Variants in TK2 observed in about 807,000 individuals in gnomAD.
TK2 encodes the protein thymidine kinase 2.
A neutral mutation model predicts 41.9 loss-of-function variants in TK2; 35 were observed. That is an observed-to-expected ratio of 0.84 (90% CI 0.64 to 1.11). The LOEUF (loss-of-function observed/expected upper bound fraction) is 1.11. Among genes scored for constraint, TK2 ranks in the 50% least tolerant of loss-of-function variants. The pLI, the probability that TK2 is intolerant of heterozygous loss-of-function variation, is 0.00. For missense variants in TK2, 320 were observed against 351.1 expected (o/e 0.91, Z 0.71); for synonymous variants, 128 against 129.1 (o/e 0.99, Z 0.06).
intron 4 of TK2, among the ~76,000 whole-genome samples, chr16:66,532,598 C>T (rs192063920): frequency 6.7e-6 from 1 of 150,346 alleles, no homozygotes; most frequent in Admixed American, 6.6e-5. Context: ...GAGTGAGACC[C>T]TGTCTCGAAA....
Position 66,517,698 on chromosome 16 carries a change from C to T in TK2, c.538+91G>A, listed in dbSNP as rs1455917569. ...AACTGCCAAGGGCAAGTGCCTCACC[C>T]ACTGCCCCCAAGGGTTGGGGCCCAG... On this transcript the variant is annotated intron_variant, in intron 7 of 9. Coordinates refer to ENST00000544898, the MANE Select transcript of TK2 (RefSeq NM_004614.5). This position sits in a 1 kb window ranked among gnomAD's most constrained non-coding sequence, Gnocchi z 4.3. The T allele has an allele frequency of 1.6e-6, 2 of 1,218,664 alleles. No individual in the cohort carries two copies. Among genetic ancestry groups the T allele is most frequent in the East Asian group, 4.6e-5 (2 of 43,028 alleles). 75.5% of individuals were successfully genotyped at this position (1,218,664 alleles called of 1,614,324 possible).
At chr16:66,518,313 G>C (rs1964676823) in intron 6 of TK2, among the ~76,000 whole-genome samples, 1 of 152,134 alleles carries the variant, frequency 6.6e-6, no homozygotes, top group Non-Finnish European at 1.5e-5. Context: ...GATCACTTGA[G>C]GCCAGAAGTT....
Position 66,510,047 on chromosome 16 carries a change from G to A in TK2, c.*1921C>T, listed in dbSNP as rs377165067. 1.3e-5 allele frequency: 2 copies of A among 152,102 alleles called. No individual in the cohort carries two copies. The highest frequency in any genetic ancestry group is 4.8e-5 in the African/African-American group (2 of 41,410). 9.4% of individuals were successfully genotyped at this position (152,102 alleles called of 1,614,324 possible). On this transcript the variant is annotated 3_prime_UTR_variant, in exon 10 of 10. Coordinates refer to ENST00000544898, the MANE Select transcript of TK2 (RefSeq NM_004614.5). ...CACGGAGTTTGAAAAATAAAAACAC[G>A]TTAATCTACTGGCAAAAGCAGCTGG...
intron 8 of TK2, among the ~76,000 whole-genome samples, chr16:66,515,079 T>C (rs1964571675): frequency 6.6e-6 from 1 of 152,006 alleles, no homozygotes; most frequent in East Asian, 1.9e-4. Flanking sequence ...TTTGTTCACA[T>C]GTTTATCTGC....
chr16:66,537,039 GA>G lies in TK2; in HGVS notation c.232-23del, dbSNP rs774562311. On this transcript the variant is annotated intron_variant, in intron 3 of 9. Transcript: ENST00000544898. ...ACACCTGGAAGGAAAGAAAACATCA[GA>G]GCTACTGTTTCTCTGTGCTGAACCC... is the stretch of plus-strand genomic sequence containing the variant. 20 of 1,613,902 alleles carry G rather than the reference GA, an allele frequency of 1.2e-5. No individual in the cohort carries two copies. In the African/African-American group the frequency reaches 2.5e-4, roughly 20 times the overall value.
intron 4 of TK2, among the ~76,000 whole-genome samples, chr16:66,535,033 T>C (rs529823805): frequency 6.6e-6 from 1 of 152,246 alleles, no homozygotes; most frequent in East Asian, 1.9e-4. Context: ...CTAATGAAAC[T>C]CCAGTGTTCT....
chr16:66,513,623 T>A, intron 9 of TK2, 108 bp downstream of exon 9: 1 of 1,009,750 alleles, frequency 9.9e-7, no homozygotes. Context: ...TTCTAAGTTG[T>A]CAAACTCTAA....
chr16:66,520,402 G>A (rs13339200), intron 6 of TK2, among the ~76,000 whole-genome samples: 8,950 of 152,208 alleles, frequency 0.059, 860 homozygotes, highest in African/African-American at 0.2. Context: ...TTTAGGGTAG[G>A]CACAATCGGT....
Position 66,514,537 on chromosome 16 carries a change from C to A in TK2, c.619-726G>T, listed in dbSNP as rs982944412. 1.3e-5 allele frequency among the ~76,000 whole-genome samples: 2 copies of A among 152,208 alleles called. No homozygotes were observed. Among genetic ancestry groups the A allele is most frequent in the Non-Finnish European group, 2.9e-5 (2 of 68,048 alleles). The stretch of plus-strand genomic sequence containing the variant: ...CGAGATTGCAGCCTCTGCCCGGCTG[C>A]CACCCCGTCTAGGAAGTGAGGAGTG... On this transcript the variant is annotated intron_variant, in intron 8 of 9. Coordinates refer to ENST00000544898, the MANE Select transcript of TK2 (RefSeq NM_004614.5). This position sits in a 1 kb window ranked among gnomAD's most constrained non-coding sequence, Gnocchi z 4.2.
chr16:66,526,243 G>A (rs1964927268), intron 6 of TK2, among the ~76,000 whole-genome samples: 2 of 152,204 alleles, frequency 1.3e-5, no homozygotes, highest in Admixed American at 6.5e-5. Flanking sequence ...CCTAAGACAC[G>A]AAGGAGGTGG....
Position 66,511,897 on chromosome 16 carries a change from C to A in TK2, c.*71G>T. The A allele has an allele frequency of 7.0e-7, 1 of 1,434,404 alleles. No individual in the cohort carries two copies. Among genetic ancestry groups the A allele is most frequent in the Non-Finnish European group, 9.8e-7 (1 of 1,018,274 alleles). 88.9% of individuals were successfully genotyped at this position (1,434,404 alleles called of 1,614,324 possible). On this transcript the variant is annotated 3_prime_UTR_variant, in exon 10 of 10. Transcript: ENST00000544898. ...AAGCCCTCCTGGGAGCAAGTTTTTC[C>A]AGATTGCTCCCAATAGCTAACTTGG...
Position 66,514,081 on chromosome 16 carries a change from G to A in TK2, c.619-270C>T, listed in dbSNP as rs1964532847. Among the ~76,000 whole-genome samples, 1 of 152,116 alleles carries A rather than the reference G, an allele frequency of 6.6e-6. No homozygotes were observed. ...GGCACAAACACTGGCCCTTCCCCTGGCGCCTGAATCAAAGCCAAGGCAAAA... is the reference window on the plus strand; with the variant it reads ...GGCACAAACACTGGCCCTTCCCCTGACGCCTGAATCAAAGCCAAGGCAAAA... On this transcript the variant is annotated intron_variant, in intron 8 of 9. Transcript: ENST00000544898. The surrounding 1 kb of genome is among the most constrained non-coding windows in gnomAD (Gnocchi z 4.2).
intron 6 of TK2, among the ~76,000 whole-genome samples, chr16:66,524,335 TTTTTTA>T (rs1187910569): frequency 1.3e-5 from 2 of 151,994 alleles, no homozygotes; most frequent in African/African-American, 4.8e-5. Context: ...GCTACCAGCT[TTTTTTA>T]TTTTTATTTT....
At chr16:66,524,580 C>G (rs1391380033) in intron 6 of TK2, among the ~76,000 whole-genome samples, 1 of 152,170 alleles carries the variant, frequency 6.6e-6, no homozygotes, top group African/African-American at 2.4e-5. Context: ...TCAAGTGATC[C>G]TTCCCCTTCT....
In TK2 at chr16:66,513,726, C is replaced by G. The variant is rs1964519046; in HGVS notation, c.699+5G>C. The G allele has an allele frequency of 1.9e-6, 3 of 1,613,540 alleles. No homozygotes were observed. The highest frequency in any genetic ancestry group is 2.5e-6 in the Non-Finnish European group (3 of 1,179,800). ...TCTCGTACCCTGTAAGGGAGTCTTA[C>G]TTACCAGAACAGGGGCTGCCATGGG... is the stretch of plus-strand genomic sequence containing the variant. On this transcript the variant is annotated splice_donor_5th_base_variant and intron_variant, in intron 9 of 9. Coordinates refer to ENST00000544898, the MANE Select transcript of TK2 (RefSeq NM_004614.5).
intron 6 of TK2, 42 bp downstream of exon 6, chr16:66,528,952 A>G (rs1440489655): frequency 6.3e-7 from 1 of 1,579,248 alleles, no homozygotes; most frequent in Admixed American, 1.7e-5. Context: ...ATTTTGAAAA[A>G]TTAGTGGTTT....
intron 6 of TK2, among the ~76,000 whole-genome samples, chr16:66,526,735 G>A (rs1964943676): frequency 6.6e-6 from 1 of 152,124 alleles, no homozygotes; most frequent in Non-Finnish European, 1.5e-5. Flanking sequence ...CTGGGTGACA[G>A]AGCACAAGCC....
rs138390476 is a variant in TK2 at position 66,534,263 on chromosome 16, T to C, written c.285+2701A>G. On this transcript the variant is annotated intron_variant, in intron 4 of 9. Coordinates refer to ENST00000544898, the MANE Select transcript of TK2 (RefSeq NM_004614.5). The stretch of plus-strand genomic sequence containing the variant: ...TCAACCCTGGACTTCTCAGCTGCCC[T>C]AACTGCAAAAAATAAATTACTTTTC... 4.3e-3 allele frequency among the ~76,000 whole-genome samples: 657 copies of C among 152,164 alleles called. 3 individuals carry two copies. Among genetic ancestry groups the C allele is most frequent in the Middle Eastern group, 0.02 (6 of 294 alleles).
chr16:66,523,026 C>T (rs1019724872), intron 6 of TK2, among the ~76,000 whole-genome samples: 1 of 152,174 alleles, frequency 6.6e-6, no homozygotes, highest in South Asian at 2.1e-4. Flanking sequence ...AGAGGTGGGT[C>T]TTTTCCCTGG....
Sources: allele counts gnomAD v4.1 joint callset (sites outside exome capture counted in the v4.1 genomes callset), GRCh38; gene constraint gnomAD v4.1.1; non-coding constraint Gnocchi (gnomAD v3.1); transcripts MANE v1.5; gene names NCBI Gene and HGNC (gene_info 2026-07-23, HGNC 2026-07-21).